ANKRD6: variants seen among roughly 807,000 people sequenced by gnomAD.
The protein encoded by ANKRD6 is ankyrin repeat domain-containing protein 6.
Under a neutral mutation model 82.3 loss-of-function variants are expected in ANKRD6, and 56 were observed. The observed-to-expected ratio is 0.68, with a 90% confidence interval of 0.55 to 0.85. The LOEUF (loss-of-function observed/expected upper bound fraction) is 0.85. Among genes scored for constraint, ANKRD6 ranks in the 40% least tolerant of loss-of-function variants. The pLI is 0.00. For synonymous variants in ANKRD6, 347 were observed against 352.1 expected (o/e 0.99, Z 0.16); for missense variants, 852 against 907.6 (o/e 0.94, Z 0.79).
rs959942284 is a variant in ANKRD6, at chr6:89,533,040, A to AT, written c.-143-33785dup. Among the ~76,000 whole-genome samples the AT allele has an allele frequency of 1.2e-4, 18 of 151,432 alleles. 1 individual carries two copies. Among genetic ancestry groups the AT allele is most frequent in the Admixed American group, 2.6e-4 (4 of 15,194 alleles). On this transcript the variant is annotated intron_variant, in intron 1 of 15. Transcript: ENST00000339746. ...AGGCACGTGCTGCCATATTTGGCTA[A>AT]TTTTTTTTTAATTTTTAGTAGAGAC...
chr6:89,480,955 ATAG>A (rs1776729820), intron 1 of ANKRD6, among the ~76,000 whole-genome samples: 2 of 149,476 alleles, frequency 1.3e-5, no homozygotes, highest in African/African-American at 2.4e-5. Context: ...AAAAAAAAAA[ATAG>A]AAGAAGAAGA....
intron 2 of ANKRD6, among the ~76,000 whole-genome samples, chr6:89,586,916 C>T (rs1793821188): frequency 6.6e-6 from 1 of 152,004 alleles, no homozygotes; most frequent in Non-Finnish European, 1.5e-5. Flanking sequence ...TGGCCGGGCA[C>T]AGTGGCTCAT....
intron 1 of ANKRD6, among the ~76,000 whole-genome samples, chr6:89,551,347 C>T (rs1481135126): frequency 1.3e-5 from 2 of 152,232 alleles, no homozygotes; most frequent in Non-Finnish European, 2.9e-5. Flanking sequence ...CTGTCACCCT[C>T]TTCCCACCAT....
chr6:89,537,599 T>G (rs981779208), intron 1 of ANKRD6, among the ~76,000 whole-genome samples: 4 of 151,594 alleles, frequency 2.6e-5, no homozygotes, highest in African/African-American at 7.3e-5. Flanking sequence ...TAATATGTTT[T>G]ATATTTTATA....
At chr6:89,575,151 A>G (rs1790817802) in intron 2 of ANKRD6, among the ~76,000 whole-genome samples, 1 of 152,030 alleles carries the variant, frequency 6.6e-6, no homozygotes, top group South Asian at 2.1e-4. Flanking sequence ...TCTGGAATGG[A>G]GTGTTAAGAC....
chr6:89,517,170 A>G (rs563655449), intron 1 of ANKRD6, among the ~76,000 whole-genome samples: 1 of 152,344 alleles, frequency 6.6e-6, no homozygotes, highest in South Asian at 2.1e-4. Flanking sequence ...ACGCCTGGCC[A>G]GATTGCTGTT....
intron 2 of ANKRD6, among the ~76,000 whole-genome samples, chr6:89,592,893 G>A (rs1484786535): frequency 6.6e-6 from 1 of 152,118 alleles, no homozygotes; most frequent in African/African-American, 2.4e-5. Flanking sequence ...TGGCCAACAT[G>A]GTGAAACCCG....
Position 89,567,665 on chromosome 6 carries a change from A to G in ANKRD6, c.120+569A>G, listed in dbSNP as rs534735234. On this transcript the variant is annotated intron_variant, in intron 2 of 15. Coordinates refer to ENST00000339746, the MANE Select transcript of ANKRD6 (RefSeq NM_001242809.2). The stretch of plus-strand genomic sequence containing the variant: ...CAAAGGCAGTTTTGTAGCAAAGCCA[A>G]GAAAAGGCAGGCTCCGCGCAGCTAG... 5.3e-5 allele frequency among the ~76,000 whole-genome samples: 8 copies of G among 152,370 alleles called. No individual in the cohort carries two copies. In the East Asian group the frequency reaches 1.2e-3, roughly 22 times the overall value.
chr6:89,465,120 ATT>A (rs1238834768), intron 1 of ANKRD6, among the ~76,000 whole-genome samples: 3,137 of 138,714 alleles, frequency 0.023, 46 homozygotes, highest in African/African-American at 0.049. Flanking sequence ...CATTGCTTTA[ATT>A]TTTTTTTTTT....
intron 1 of ANKRD6, among the ~76,000 whole-genome samples, chr6:89,480,611 T>G (rs938796998): frequency 3.3e-5 from 5 of 151,168 alleles, no homozygotes; most frequent in Admixed American, 3.3e-4. Flanking sequence ...TCCTCACTAA[T>G]TACTTTTTAA....
At chr6:89,596,126 C>T in intron 3 of ANKRD6, 112 bp downstream of exon 3, 1 of 895,496 alleles carries the variant, frequency 1.1e-6, no homozygotes, top group Admixed American at 2.1e-5. Flanking sequence ...TCTCGCAGCA[C>T]ATTTTAGCTG....
chr6:89,541,518 G>A (rs1784451340), intron 1 of ANKRD6, among the ~76,000 whole-genome samples: 1 of 148,092 alleles, frequency 6.8e-6, no homozygotes, highest in African/African-American at 2.5e-5. Context: ...TCAGCCTCCT[G>A]AGTAGCTGGG....
chr6:89,550,022 G>A (rs1785625875), intron 1 of ANKRD6, among the ~76,000 whole-genome samples: 1 of 152,162 alleles, frequency 6.6e-6, no homozygotes. Flanking sequence ...CCTGGGCCCA[G>A]GAGTTTGAGG....
chr6:89,494,251 T>G (rs1778351327), intron 1 of ANKRD6, among the ~76,000 whole-genome samples: 2 of 152,218 alleles, frequency 1.3e-5, no homozygotes, highest in African/African-American at 4.8e-5. Context: ...GTTGGGTGAT[T>G]CATGCTAAAC....
chr6:89,532,193 CT>C lies in ANKRD6; in HGVS notation c.-143-34640del, dbSNP rs1783244556. ...AATATTAATGTCATCCAAAAACACT[CT>C]CACAGAAATACCCAGAATCATGTTT... On this transcript the variant is annotated intron_variant, in intron 1 of 15. Coordinates refer to ENST00000339746, the MANE Select transcript of ANKRD6 (RefSeq NM_001242809.2). 2.6e-5 allele frequency among the ~76,000 whole-genome samples: 4 copies of C among 152,202 alleles called. No individual in the cohort carries two copies. In the South Asian group the frequency reaches 8.3e-4, roughly 32 times the overall value.
intron 1 of ANKRD6, among the ~76,000 whole-genome samples, chr6:89,489,052 C>T (rs964046160): frequency 1.3e-5 from 2 of 152,122 alleles, no homozygotes; most frequent in African/African-American, 2.4e-5. Flanking sequence ...TGACTGATAA[C>T]GTGTCTCATG....
rs549056663 is a variant in ANKRD6 at position 89,616,556 on chromosome 6, C to T, written c.616-3C>T. The stretch of plus-strand genomic sequence containing the variant: ...GTTTAGCAGACCTTCTAATCAATTC[C>T]AGGCTGGAGACACAGCACTTCACGT... On this transcript the variant is annotated splice_region_variant and splice_polypyrimidine_tract_variant and intron_variant, in intron 7 of 15. Coordinates refer to ENST00000339746, the MANE Select transcript of ANKRD6 (RefSeq NM_001242809.2). 58 of 1,614,008 alleles carry T rather than the reference C, an allele frequency of 3.6e-5. No individual in the cohort carries two copies. The South Asian group carries it at 6.3e-4, about 17-fold the overall frequency.
intron 1 of ANKRD6, among the ~76,000 whole-genome samples, chr6:89,463,382 A>G (rs1362457322): frequency 6.6e-6 from 1 of 152,214 alleles, no homozygotes; most frequent in African/African-American, 2.4e-5. Context: ...CATTTAAAAA[A>G]CACAGAAAGT....
chr6:89,554,071 A>G (rs1173288493), intron 1 of ANKRD6, among the ~76,000 whole-genome samples: 1 of 152,234 alleles, frequency 6.6e-6, no homozygotes, highest in African/African-American at 2.4e-5. Context: ...TGGCTGAGAC[A>G]AGTAATTGGT....
Sources: allele counts gnomAD v4.1 joint callset (sites outside exome capture counted in the v4.1 genomes callset), GRCh38; gene constraint gnomAD v4.1.1; transcripts MANE v1.5; gene names NCBI Gene and HGNC (gene_info 2026-07-23, HGNC 2026-07-21).